Variants in DLG5 observed in about 807,000 individuals in gnomAD.
DLG5 encodes discs large MAGUK scaffold protein 5.
A neutral mutation model predicts 189.8 loss-of-function variants in DLG5; 48 were observed. The ratio of observed to expected loss-of-function variants is 0.25; its 90% CI spans 0.20 to 0.32. The LOEUF is 0.32. Among genes scored for constraint, DLG5 ranks in the 10% least tolerant of loss-of-function variants. DLG5 has a pLI of 1.00. For synonymous variants in DLG5, 1,016 were observed against 1,054.1 expected (o/e 0.96, Z 0.70); for missense variants, 2,160 against 2,544.7 (o/e 0.85, Z 3.25).
chr10:77,814,297 T>A (rs1407253266), intron 20 of DLG5, among the ~76,000 whole-genome samples: 1 of 151,940 alleles, frequency 6.6e-6, no homozygotes, highest in Non-Finnish European at 1.5e-5. Context: ...CTTTACTTTA[T>A]AGTCTTCTGA....
rs371168202 is a variant in DLG5, at chr10:77,846,589, C to G, written c.865-2883G>C. The G allele has an allele frequency of 5.3e-4, 215 of 404,888 alleles. 2 individuals are homozygous for G. Among genetic ancestry groups the G allele is most frequent in the South Asian group, 3.8e-3 (208 of 55,234 alleles). The allele number at this position is 404,888 out of a possible 1,614,324, so 25.1% of individuals were successfully genotyped here. A position where few individuals can be genotyped will look rare whatever the true frequency, so the allele number is the denominator to read the frequency against. ...GCAGGCACCTGGAATCCCTGCTACT[C>G]CGGAGGCTGAGGCAGGAGAATTACT... On this transcript the variant is annotated intron_variant, in intron 5 of 31. Coordinates refer to ENST00000372391, the MANE Select transcript of DLG5 (RefSeq NM_004747.4).
chr10:77,873,034 C>T (rs1470207394), intron 1 of DLG5, among the ~76,000 whole-genome samples: 1 of 140,826 alleles, frequency 7.1e-6, no homozygotes, highest in South Asian at 2.2e-4. Flanking sequence ...TGTGTGTGCA[C>T]ACACACACAC....
intron 1 of DLG5, among the ~76,000 whole-genome samples, chr10:77,873,661 C>T (rs1844992854): frequency 6.6e-6 from 1 of 152,168 alleles, no homozygotes; most frequent in South Asian, 2.1e-4. Flanking sequence ...CCCTTCCATT[C>T]ACCTGGAGCT....
At chr10:77,882,313 G>A (rs1485126428) in intron 1 of DLG5, among the ~76,000 whole-genome samples, 1 of 152,168 alleles carries the variant, frequency 6.6e-6, no homozygotes, top group Non-Finnish European at 1.5e-5. Flanking sequence ...GGTGTCATTT[G>A]CACACTGAGG....
At chr10:77,887,900 C>A (rs1192643190) in intron 1 of DLG5, among the ~76,000 whole-genome samples, 2 of 152,218 alleles carry the variant, frequency 1.3e-5, no homozygotes, top group Non-Finnish European at 2.9e-5. Flanking sequence ...GTGCCTACAG[C>A]CAGCCGGCGA....
chr10:77,830,185 C>A (rs199932931), intron 11 of DLG5, 32 bp downstream of exon 11: 57 of 1,613,214 alleles, frequency 3.5e-5, no homozygotes, highest in Admixed American at 6.7e-5. Context: ...AGGGCCCCAC[C>A]TTGCCTCCAG....
At chr10:77,809,166 G>A (rs927944904) in intron 24 of DLG5, among the ~76,000 whole-genome samples, 4 of 151,344 alleles carry the variant, frequency 2.6e-5, no homozygotes, top group Non-Finnish European at 5.9e-5. Context: ...CAGCAGTTTG[G>A]AAGGCCGAGG....
chr10:77,817,179 G>T, intron 18 of DLG5, 83 bp from the exon 19 acceptor site: 1 of 1,280,136 alleles, frequency 7.8e-7, no homozygotes, highest in Non-Finnish European at 1.1e-6. Flanking sequence ...CTACCAGTCA[G>T]GATAATAAAT....
chr10:77,856,728 A>T lies in DLG5; in HGVS notation c.536+2T>A. The T allele has an allele frequency of 6.2e-7, 1 of 1,611,730 alleles. No individual in the cohort carries two copies. The highest frequency in any genetic ancestry group is 8.5e-7 in the Non-Finnish European group (1 of 1,178,902). On this transcript the variant is annotated splice_donor_variant, in intron 3 of 31. Coordinates refer to ENST00000372391, the MANE Select transcript of DLG5 (RefSeq NM_004747.4). LOFTEE classifies it high-confidence loss of function. ...GGGCAGGGGAGACGGCGCAATTACT[A>T]CCTCTTGTCAAAGGCCGTGCCATGC... is the stretch of plus-strand genomic sequence containing the variant.
At chr10:77,895,263 C>T (rs888167227) in intron 1 of DLG5, among the ~76,000 whole-genome samples, 1 of 152,176 alleles carries the variant, frequency 6.6e-6, no homozygotes, top group South Asian at 2.1e-4. Context: ...CACGCCCCTT[C>T]TCCTTCCTCC....
intron 7 of DLG5, among the ~76,000 whole-genome samples, chr10:77,840,985 T>C (rs992253964): frequency 1.2e-4 from 19 of 152,222 alleles, no homozygotes; most frequent in African/African-American, 4.3e-4. Context: ...AACGCCTTGC[T>C]TTTTGCTTCT....
the DLG5 span, among the ~76,000 whole-genome samples, chr10:77,935,775 G>A: frequency 1.3e-5 from 2 of 152,216 alleles, no homozygotes; most frequent in African/African-American, 2.4e-5. Context: ...AACTGCACAC[G>A]TGTGAGTCTG....
At chr10:77,913,356 T>A (rs112613929) in intron 1 of DLG5, among the ~76,000 whole-genome samples, 21 of 152,198 alleles carry the variant, frequency 1.4e-4, no homozygotes, top group African/African-American at 5.1e-4. Context: ...TGGCCCTTGC[T>A]AAAATCCTGA....
chr10:77,825,427 C>T (rs1842585199), intron 13 of DLG5, among the ~76,000 whole-genome samples: 1 of 149,510 alleles, frequency 6.7e-6, no homozygotes, highest in South Asian at 2.1e-4. Context: ...GTACCAATGT[C>T]AATATGCTAG....
chr10:77,898,918 G>A (rs1363282480), intron 1 of DLG5, among the ~76,000 whole-genome samples: 9 of 152,208 alleles, frequency 5.9e-5, no homozygotes, highest in Admixed American at 3.3e-4. Flanking sequence ...ACCCAGATGC[G>A]GCAAAGAGGT....
At chr10:77,865,700 T>A (rs1457624075) in intron 2 of DLG5, among the ~76,000 whole-genome samples, 1 of 151,924 alleles carries the variant, frequency 6.6e-6, no homozygotes, top group African/African-American at 2.4e-5. Context: ...CCAGGTAGGG[T>A]CGGGGGCAGG....
At chr10:77,834,775 G>A (rs1230961682) in intron 8 of DLG5, among the ~76,000 whole-genome samples, 5 of 152,058 alleles carry the variant, frequency 3.3e-5, no homozygotes, top group South Asian at 4.1e-4. Context: ...GGAGACACCC[G>A]TGGAAGGGGT....
intron 27 of DLG5, among the ~76,000 whole-genome samples, chr10:77,798,170 G>C (rs1228033769): frequency 2.0e-5 from 3 of 152,134 alleles, no homozygotes; most frequent in Non-Finnish European, 4.4e-5. Context: ...CTGGGCAACA[G>C]AGCAAGACTA....
chr10:77,811,725 C>G (rs934614140), intron 22 of DLG5, among the ~76,000 whole-genome samples, 199 bp downstream of exon 22: 1 of 152,176 alleles, frequency 6.6e-6, no homozygotes, highest in African/African-American at 2.4e-5. Context: ...CATCTGTTTC[C>G]ACACCCCATT....
Sources: gnomAD v4.1 joint callset for allele counts (sites outside exome capture counted in the v4.1 genomes callset) on GRCh38, gnomAD v4.1.1 for gene constraint, MANE v1.5 for transcripts, NCBI Gene and HGNC (gene_info 2026-07-23, HGNC 2026-07-21) for gene names.